SLC35G4: variants seen among roughly 807,000 people sequenced by gnomAD.
The protein encoded by SLC35G4 is acyl-malonyl-condensing enzyme 1-like protein 1.
SLC35G4 carries 12 observed loss-of-function variants against 15.8 expected under a neutral mutation model. The ratio of observed to expected loss-of-function variants is 0.76; its 90% CI spans 0.49 to 1.23. The LOEUF (loss-of-function observed/expected upper bound fraction) is 1.23. Ranked by LOEUF, SLC35G4 falls within the 50% of genes most tolerant of loss-of-function variation. The pLI, the probability that SLC35G4 is intolerant of heterozygous loss-of-function variation, is 0.00. For missense variants in SLC35G4, 390 were observed against 422.1 expected, an observed-to-expected ratio of 0.92 and a Z score of 0.67; for synonymous variants, 177 against 186.5, an observed-to-expected ratio of 0.95 and a Z score of 0.41.
At position 11,610,551 on chromosome 18, in the gene SLC35G4, G is replaced by A; in HGVS notation, c.956G>A (p.Ser319Asn). The A allele has an allele frequency of 8.3e-6, 13 of 1,564,434 alleles. 2 individuals are homozygous for A. The highest frequency in any genetic ancestry group is 1.0e-5 in the Non-Finnish European group (12 of 1,157,450). The change falls in exon 1 of 1, where the codon AGC becomes AAC. Residue 319 changes from serine (S) to asparagine (N), a missense_variant. Ser to Asn is a conservative substitution (Grantham distance 46). Coordinates refer to ENST00000588001, the MANE Select transcript of SLC35G4 (RefSeq NM_001282300.2). ...ATGGGGGCAGGGGTTGTGCTGGGCAGCATTGCCATCATTACAGCCCGGAAC... is the reference window on the plus strand; with the variant it reads ...ATGGGGGCAGGGGTTGTGCTGGGCAACATTGCCATCATTACAGCCCGGAAC... ...DIMGAGVVLGSIAIITARNLI... is the reference protein window; with the variant it reads ...DIMGAGVVLGNIAIITARNLI...
chr18:11,609,922 G>C lies in SLC35G4; in HGVS notation c.327G>C (p.Leu109=), dbSNP rs1311020528. ...GAGGCCGCACCTGCTTCTGTGCCCT[G>C]CTCAACGTCCTCAACATTGGATGTG... ...DIRGRTCFCA[L]LNVLNIGCAY... Residue 109 remains leucine (L), a synonymous_variant, in exon 1 of 1, where the codon CTG becomes CTC. Transcript: ENST00000588001. 1.9e-6 allele frequency: 3 copies of C among 1,613,878 alleles called. No individual in the cohort carries two copies. Among genetic ancestry groups the C allele is most frequent in the Admixed American group, 1.7e-5 (1 of 60,004 alleles).
In SLC35G4 at chr18:11,609,896, C is replaced by G. The variant is rs553431764; in HGVS notation, c.301C>G (p.Arg101Gly). The change falls in exon 1 of 1, where the codon CGA (arginine) becomes GGA (glycine). Residue 101 changes from arginine (R) to glycine (G), a missense_variant. Transcript: ENST00000588001. The part of the protein sequence containing the change: ...GDPLLGPPDI[R>G]GRTCFCALLN... ...CCCCCTTCTGGGACCTCCTGACATC[C>G]GAGGCCGCACCTGCTTCTGTGCCCT... 1.9e-6 allele frequency: 3 copies of G among 1,613,436 alleles called. No individual in the cohort carries two copies. Among genetic ancestry groups the G allele is most frequent in the Non-Finnish European group, 2.5e-6 (3 of 1,179,494 alleles).
In SLC35G4 at chr18:11,610,027, C is replaced by T; in HGVS notation, c.432C>T (p.Ile144=). ...ATTCTTCCACCGTCTGCTCCGCCATCCTCACCCTCTGCCTTGAGAGCCAGG... is the reference window on the plus strand; with the variant it reads ...ATTCTTCCACCGTCTGCTCCGCCATTCTCACCCTCTGCCTTGAGAGCCAGG... ...RKHSSTVCSA[I]LTLCLESQVL... is the part of the protein sequence containing the mutation. The change falls in exon 1 of 1, where the codon ATC becomes ATT. Residue 144 remains isoleucine (I), a synonymous_variant. Transcript: ENST00000588001. 2.5e-6 allele frequency: 4 copies of T among 1,613,976 alleles called. No homozygotes were observed. The highest frequency in any genetic ancestry group is 3.4e-6 in the Non-Finnish European group (4 of 1,179,848).
At position 11,610,147 on chromosome 18, in the gene SLC35G4, C is replaced by T. The variant is rs764886855; in HGVS notation, c.552C>T (p.Thr184=). The T allele has an allele frequency of 1.3e-5, 21 of 1,612,450 alleles. No homozygotes were observed. The Admixed American group carries it at 2.0e-4, about 15-fold the overall frequency. ...GPGLWTLQEG[T]TGVYTGLGYV... is the part of the protein sequence containing the mutation. The stretch of plus-strand genomic sequence containing the variant: ...GACTCTGGACACTACAGGAGGGGAC[C>T]ACGGGTGTCTACACCGGCCTGGGCT... Residue 184 remains threonine, a synonymous_variant, in exon 1 of 1, where the codon ACC becomes ACT. Coordinates refer to ENST00000588001, the MANE Select transcript of SLC35G4 (RefSeq NM_001282300.2).
rs543810198 is a variant in SLC35G4 at position 11,610,067 on chromosome 18, G to T, written c.472G>T (p.Asp158Tyr). 3 of 1,613,976 alleles carry T rather than the reference G, an allele frequency of 1.9e-6. No individual in the cohort carries two copies. The African/African-American group carries it at 4.0e-5, about 22-fold the overall frequency. The change falls in exon 1 of 1, where the codon GAC becomes TAC. Residue 158 changes from aspartate to tyrosine, a missense_variant. Asp to Tyr is a radical substitution (Grantham distance 160). Coordinates refer to ENST00000588001, the MANE Select transcript of SLC35G4 (RefSeq NM_001282300.2). ...TGAGAGCCAGGTTCTCAGTGGCTAC[G>T]ACTGGTGTGGACTGTTGGGCAGCAT... ...CLESQVLSGY[D>Y]WCGLLGSILG...
rs1280186578 is a variant in SLC35G4 at position 11,610,418 on chromosome 18, A to G, written c.823A>G (p.Thr275Ala). 1.3e-6 allele frequency: 2 copies of G among 1,593,844 alleles called. No individual in the cohort carries two copies. The highest frequency in any genetic ancestry group is 1.7e-5 in the Admixed American group (1 of 58,974). ...VSFTCVGYAV[T>A]KAHPALVCAV... Reference sequence around the variant, plus strand: ...CTTCACATGTGTGGGCTATGCGGTCACCAAGGCCCACCCTGCCCTGGTGTG... The same window carrying G: ...CTTCACATGTGTGGGCTATGCGGTCGCCAAGGCCCACCCTGCCCTGGTGTG... The change falls in exon 1 of 1, where the codon ACC (threonine) becomes GCC (alanine). Residue 275 changes from threonine (T) to alanine (A), a missense_variant. By Grantham distance (58) the Thr-to-Ala change is moderately conservative. Transcript: ENST00000588001.
chr18:11,609,630 A>T lies in SLC35G4; in HGVS notation c.35A>T (p.Asp12Val). 6.2e-7 allele frequency: 1 copy of T among 1,608,962 alleles called. No homozygotes were observed. The highest frequency in any genetic ancestry group is 1.1e-5 in the South Asian group (1 of 90,482). Reference protein sequence around the residue: ...AGSHPYFNLPDSTHPSPPSTP... With the variant: ...AGSHPYFNLPVSTHPSPPSTP... The stretch of plus-strand genomic sequence containing the variant: ...AGTCACCCCTACTTCAACCTGCCTG[A>T]CTCCACACACCCATCGCCGCCCTCC... The change falls in exon 1 of 1, where the codon GAC becomes GTC. Residue 12 changes from aspartate to valine, a missense_variant. Coordinates refer to ENST00000588001, the MANE Select transcript of SLC35G4 (RefSeq NM_001282300.2).
rs773710876 is a variant in SLC35G4, at chr18:11,609,757, G to A, written c.162G>A (p.Val54=). The part of the protein sequence containing the change: ...LLGGGLPAGF[V]GPLSRMAYQA... ...GTGGGGGCCTGCCTGCTGGCTTCGT[G>A]GGCCCCCTTTCTCGTATGGCTTACC... The change falls in exon 1 of 1, where the codon GTG becomes GTA. Residue 54 remains valine, a synonymous_variant. Coordinates refer to ENST00000588001, the MANE Select transcript of SLC35G4 (RefSeq NM_001282300.2). 3 of 1,613,658 alleles carry A rather than the reference G, an allele frequency of 1.9e-6. No individual in the cohort carries two copies. In the African/African-American group the frequency reaches 4.0e-5, roughly 22 times the overall value.
rs1372962559 is a variant in SLC35G4, at chr18:11,609,814, C to T, written c.219C>T (p.Val73=). The T allele has an allele frequency of 1.2e-6, 2 of 1,613,700 alleles. No individual in the cohort carries two copies. The highest frequency in any genetic ancestry group is 1.7e-6 in the Non-Finnish European group (2 of 1,179,770). ...QASNLPSLEL[V]ICRCLFHLPI... is the part of the protein sequence containing the mutation. ...CCAACCTGCCCTCGCTGGAGCTGGT[C>T]ATCTGTCGATGCCTCTTCCACCTCC... Residue 73 remains valine (V), a synonymous_variant, in exon 1 of 1, where the codon GTC becomes GTT. Transcript: ENST00000588001.
At position 11,609,939 on chromosome 18, in the gene SLC35G4, T is replaced by G; in HGVS notation, c.344T>G (p.Ile115Ser). 1 of 1,613,980 alleles carries G rather than the reference T, an allele frequency of 6.2e-7. No homozygotes were observed. Among genetic ancestry groups the G allele is most frequent in the South Asian group, 1.1e-5 (1 of 91,076 alleles). Residue 115 changes from isoleucine (I) to serine (S), a missense_variant, in exon 1 of 1, where the codon ATT (isoleucine) becomes AGT (serine). Physicochemically the swap from Ile to Ser is moderately radical, Grantham distance 142. This residue lies in a region of SLC35G4 where 331 missense variants were observed against 241.1 expected (regional missense o/e 1.37). Coordinates refer to ENST00000588001, the MANE Select transcript of SLC35G4 (RefSeq NM_001282300.2). Reference protein sequence around the residue: ...CFCALLNVLNIGCAYSAVQVV... With the variant: ...CFCALLNVLNSGCAYSAVQVV... ...TGTGCCCTGCTCAACGTCCTCAACATTGGATGTGCCTATAGTGCGGTTCAG... is the reference window on the plus strand; with the variant it reads ...TGTGCCCTGCTCAACGTCCTCAACAGTGGATGTGCCTATAGTGCGGTTCAG...
At position 11,609,903 on chromosome 18, in the gene SLC35G4, G is replaced by T; in HGVS notation, c.308G>T (p.Arg103Leu). 1 of 1,612,948 alleles carries T rather than the reference G, an allele frequency of 6.2e-7. No homozygotes were observed. Among genetic ancestry groups the T allele is most frequent in the Non-Finnish European group, 8.5e-7 (1 of 1,179,116 alleles). The change falls in exon 1 of 1, where the codon CGC becomes CTC. Residue 103 changes from arginine (R) to leucine (L), a missense_variant. This residue lies in a region of SLC35G4 where 331 missense variants were observed against 241.1 expected (regional missense o/e 1.37). Coordinates refer to ENST00000588001, the MANE Select transcript of SLC35G4 (RefSeq NM_001282300.2). ...CTGGGACCTCCTGACATCCGAGGCC[G>T]CACCTGCTTCTGTGCCCTGCTCAAC... ...PLLGPPDIRGRTCFCALLNVL... is the reference protein window; with the variant it reads ...PLLGPPDIRGLTCFCALLNVL...
In SLC35G4 at chr18:11,609,878, C is replaced by G. The variant is rs2029972191; in HGVS notation, c.283C>G (p.Leu95Val). The change falls in exon 1 of 1, where the codon CTG becomes GTG. Residue 95 changes from leucine (L) to valine (V), a missense_variant. By Grantham distance (32) the Leu-to-Val change is conservative (BLOSUM62 1). Transcript: ENST00000588001. Reference protein sequence around the residue: ...LLLKLRGDPLLGPPDIRGRTC... With the variant: ...LLLKLRGDPLVGPPDIRGRTC... Reference sequence around the variant, plus strand: ...ACTTAAACTGCGTGGCGACCCCCTTCTGGGACCTCCTGACATCCGAGGCCG... The same window carrying G: ...ACTTAAACTGCGTGGCGACCCCCTTGTGGGACCTCCTGACATCCGAGGCCG... The G allele has an allele frequency of 1.9e-6, 3 of 1,613,442 alleles. No individual in the cohort carries two copies. Among genetic ancestry groups the G allele is most frequent in the Non-Finnish European group, 2.5e-6 (3 of 1,179,500 alleles).
chr18:11,610,024 C>G lies in SLC35G4; in HGVS notation c.429C>G (p.Ala143=), dbSNP rs747124652. ...VRKHSSTVCS[A]ILTLCLESQV... ...AACATTCTTCCACCGTCTGCTCCGC[C>G]ATCCTCACCCTCTGCCTTGAGAGCC... The change falls in exon 1 of 1, where the codon GCC becomes GCG. Residue 143 remains alanine, a synonymous_variant. Coordinates refer to ENST00000588001, the MANE Select transcript of SLC35G4 (RefSeq NM_001282300.2). 1.4e-5 allele frequency: 23 copies of G among 1,613,846 alleles called. No individual in the cohort carries two copies. The highest frequency in any genetic ancestry group is 1.8e-5 in the Non-Finnish European group (21 of 1,179,842).
At position 11,609,728 on chromosome 18, in the gene SLC35G4, C is replaced by T. The variant is rs8087289; in HGVS notation, c.133C>T (p.Leu45=). The T allele has an allele frequency of 9.9e-6, 16 of 1,613,506 alleles. No individual in the cohort carries two copies. In the East Asian group the frequency reaches 3.1e-4, roughly 31 times the overall value. Residue 45 remains leucine, a synonymous_variant, in exon 1 of 1, where the codon CTG becomes TTG. Coordinates refer to ENST00000588001, the MANE Select transcript of SLC35G4 (RefSeq NM_001282300.2). ...CACCAATGGCCTGCTGGTGGCCCTG[C>T]TGGGTGGGGGCCTGCCTGCTGGCTT... ...DATNGLLVAL[L]GGGLPAGFVG...
Position 11,610,013 on chromosome 18 carries a change from G to C in SLC35G4, c.418G>C (p.Val140Leu), listed in dbSNP as rs115874921. 4 of 1,613,778 alleles carry C rather than the reference G, an allele frequency of 2.5e-6. No homozygotes were observed. The highest frequency in any genetic ancestry group is 3.4e-6 in the Non-Finnish European group (4 of 1,179,824). ...AATVRKHSST[V>L]CSAILTLCLE... is the part of the protein sequence containing the mutation. ...CACTGTTCGCAAACATTCTTCCACC[G>C]TCTGCTCCGCCATCCTCACCCTCTG... The change falls in exon 1 of 1, where the codon GTC (valine) becomes CTC (leucine). Residue 140 changes from valine (V) to leucine (L), a missense_variant. By Grantham distance (32) the Val-to-Leu change is conservative. Transcript: ENST00000588001.
In SLC35G4 at chr18:11,609,949, C is replaced by CTA; in HGVS notation, c.357_358dup (p.Ser120IlefsTer49). The CTA allele has an allele frequency of 6.2e-7, 1 of 1,614,028 alleles. No homozygotes were observed. Among genetic ancestry groups the CTA allele is most frequent in the Non-Finnish European group, 8.5e-7 (1 of 1,179,870 alleles). Reference sequence around the variant, plus strand: ...TCAACGTCCTCAACATTGGATGTGCCTATAGTGCGGTTCAGGTGGTGCCCA... The same window carrying CTA: ...TCAACGTCCTCAACATTGGATGTGCCTATATAGTGCGGTTCAGGTGGTGCCCA... On this transcript the variant is annotated frameshift_variant, in exon 1 of 1. Coordinates refer to ENST00000588001, the MANE Select transcript of SLC35G4 (RefSeq NM_001282300.2). LOFTEE classifies it high-confidence loss of function.
chr18:11,610,202 C>T lies in SLC35G4; in HGVS notation c.607C>T (p.Leu203=), dbSNP rs544245916. ...GCAGGCTTTCCTGGGAGGACTGGCG[C>T]TGTCCCTGGGGCTTCTCGTCTATCG... The part of the protein sequence containing the change: ...YVQAFLGGLA[L]SLGLLVYRSL... The change falls in exon 1 of 1, where the codon CTG becomes TTG. Residue 203 remains leucine, a synonymous_variant. Transcript: ENST00000588001. 2,593 of 1,610,922 alleles carry T rather than the reference C, an allele frequency of 1.6e-3. 3 individuals carry two copies. Among genetic ancestry groups the T allele is most frequent in the South Asian group, 3.5e-3 (314 of 90,968 alleles).
At position 11,610,152 on chromosome 18, in the gene SLC35G4, G is replaced by T; in HGVS notation, c.557G>T (p.Gly186Val). The T allele has an allele frequency of 6.2e-7, 1 of 1,611,820 alleles. No individual in the cohort carries two copies. Among genetic ancestry groups the T allele is most frequent in the East Asian group, 2.2e-5 (1 of 44,788 alleles). Reference sequence around the variant, plus strand: ...TGGACACTACAGGAGGGGACCACGGGTGTCTACACCGGCCTGGGCTATGTG... The same window carrying T: ...TGGACACTACAGGAGGGGACCACGGTTGTCTACACCGGCCTGGGCTATGTG... ...GLWTLQEGTTGVYTGLGYVQA... is the reference protein window; with the variant it reads ...GLWTLQEGTTVVYTGLGYVQA... Residue 186 changes from glycine to valine, a missense_variant, in exon 1 of 1, where the codon GGT becomes GTT. Coordinates refer to ENST00000588001, the MANE Select transcript of SLC35G4 (RefSeq NM_001282300.2).
chr18:11,610,050 A>G lies in SLC35G4; in HGVS notation c.455A>G (p.Gln152Arg), dbSNP rs1434496978. ...SAILTLCLES[Q>R]VLSGYDWCGL... Reference sequence around the variant, plus strand: ...ATCCTCACCCTCTGCCTTGAGAGCCAGGTTCTCAGTGGCTACGACTGGTGT... The same window carrying G: ...ATCCTCACCCTCTGCCTTGAGAGCCGGGTTCTCAGTGGCTACGACTGGTGT... Residue 152 changes from glutamine to arginine, a missense_variant, in exon 1 of 1, where the codon CAG becomes CGG. Physicochemically the swap from Gln to Arg is conservative, Grantham distance 43 (BLOSUM62 1). Around this residue, in one of 2 missense-constraint regions of SLC35G4, gnomAD observed 331 missense variants for 241.1 expected, o/e 1.37. Coordinates refer to ENST00000588001, the MANE Select transcript of SLC35G4 (RefSeq NM_001282300.2). 1.6e-5 allele frequency: 26 copies of G among 1,613,796 alleles called. No homozygotes were observed. The highest frequency in any genetic ancestry group is 2.2e-5 in the Non-Finnish European group (26 of 1,179,858).
Sources: gnomAD v4.1 joint callset for allele counts on GRCh38, gnomAD v4.1.1 for gene constraint, gnomAD v4.1.1 regional missense constraint, MANE v1.5 for transcripts, NCBI Gene and HGNC (gene_info 2026-07-23, HGNC 2026-07-21) for gene names.